The following DPH6 variants were observed in gnomAD, a reference collection of about 807,000 sequenced individuals.
The protein encoded by DPH6 is diphthamine biosynthesis 6.
Under a neutral mutation model 38.2 loss-of-function variants are expected in DPH6, and 33 were observed. The ratio of observed to expected loss-of-function variants is 0.86; its 90% confidence interval spans 0.65 to 1.15. The LOEUF is 1.15. Among genes scored for constraint, DPH6 ranks in the 50% most tolerant of loss-of-function variants. The probability of loss-of-function intolerance (pLI) is 0.00; values close to 1 mark genes in which losing one functional copy is unlikely to be tolerated. For synonymous variants in DPH6, 108 were observed against 103.0 expected (o/e 1.05, Z -0.30); for missense variants, 325 against 320.0 (o/e 1.02, Z -0.12).
the DPH6 span, among the ~76,000 whole-genome samples, chr15:35,191,357 A>G: frequency 3.9e-5 from 6 of 152,206 alleles, no homozygotes; most frequent in African/African-American, 1.2e-4. Context: ...AGAAGAATGA[A>G]GCATCATTCT....
intron 5 of DPH6, among the ~76,000 whole-genome samples, chr15:35,420,782 T>C (rs1203305985): frequency 1.3e-5 from 2 of 152,126 alleles, no homozygotes; most frequent in African/African-American, 4.8e-5. Context: ...CCCAAAGTGC[T>C]GGGATTACAG....
the DPH6 span, among the ~76,000 whole-genome samples, chr15:35,164,620 C>T: frequency 2.0e-5 from 3 of 151,654 alleles, no homozygotes; most frequent in African/African-American, 4.8e-5. Flanking sequence ...AATAATATAG[C>T]GTTTCTGTGG....
chr15:35,146,071 G>C, the DPH6 span, among the ~76,000 whole-genome samples: 9 of 1,000 alleles, frequency 9.0e-3, no homozygotes, highest in African/African-American at 0.01. Flanking sequence ...TATAGTTTCT[G>C]TGTGTGTGTG....
At chr15:35,347,392 T>C (rs1003475335) in intron 3 of DPH6, among the ~76,000 whole-genome samples, 8 of 151,912 alleles carry the variant, frequency 5.3e-5, no homozygotes, top group African/African-American at 1.9e-4. Flanking sequence ...GTTTAAGTGA[T>C]CCTCCTGCCT....
intron 3 of DPH6, among the ~76,000 whole-genome samples, chr15:35,352,326 A>T (rs1197778983): frequency 1.3e-5 from 2 of 151,522 alleles, no homozygotes; most frequent in East Asian, 3.9e-4. Context: ...CATGTGCACA[A>T]CGTGCAGGTT....
intron 3 of DPH6, among the ~76,000 whole-genome samples, chr15:35,264,005 G>A (rs958255491): frequency 3.3e-5 from 5 of 151,708 alleles, no homozygotes; most frequent in Non-Finnish European, 7.4e-5. Context: ...GAGCCACCGC[G>A]CCCAACATAG....
At chr15:35,173,106 C>T in the DPH6 span, among the ~76,000 whole-genome samples, 1 of 152,282 alleles carries the variant, frequency 6.6e-6, no homozygotes, top group East Asian at 1.9e-4. Flanking sequence ...TAGTCTGGGT[C>T]TAAATCTGTC....
At chr15:35,241,204 A>C (rs1393718787) in intron 3 of DPH6, among the ~76,000 whole-genome samples, 1 of 143,594 alleles carries the variant, frequency 7.0e-6, no homozygotes, top group Non-Finnish European at 1.5e-5. Context: ...AGGCTCTCTG[A>C]CTGACTCCTT....
intron 3 of DPH6, among the ~76,000 whole-genome samples, chr15:35,476,410 A>G (rs560193563): frequency 6.6e-6 from 1 of 151,872 alleles, no homozygotes; most frequent in African/African-American, 2.4e-5. Flanking sequence ...TAAATGAAAT[A>G]TGGTCTCACT....
intron 3 of DPH6, among the ~76,000 whole-genome samples, chr15:35,468,404 A>G (rs1448651732): frequency 2.0e-5 from 3 of 152,206 alleles, no homozygotes; most frequent in Admixed American, 2.0e-4. Flanking sequence ...AGACCGTCCC[A>G]GCCTCTGCCT....
At chr15:35,333,385 A>G (rs913982164) in intron 3 of DPH6, among the ~76,000 whole-genome samples, 5 of 152,208 alleles carry the variant, frequency 3.3e-5, no homozygotes, top group Non-Finnish European at 7.4e-5. Context: ...GAAAAATATC[A>G]TATAGCTATT....
intron 6 of DPH6, among the ~76,000 whole-genome samples, chr15:35,403,821 C>T (rs2053253884): frequency 6.6e-6 from 1 of 151,032 alleles, no homozygotes; most frequent in Admixed American, 6.6e-5. Flanking sequence ...TTCATTCATT[C>T]CTTTTTTTTT....
chr15:35,310,659 T>C (rs2052133480), intron 3 of DPH6, among the ~76,000 whole-genome samples: 2 of 152,178 alleles, frequency 1.3e-5, no homozygotes, highest in African/African-American at 4.8e-5. Context: ...TACTAGCTGA[T>C]AGAATAACCT....
At chr15:35,285,829 CTGATG>C (rs2051937067) in intron 3 of DPH6, among the ~76,000 whole-genome samples, 1 of 134,190 alleles carries the variant, frequency 7.5e-6, no homozygotes, top group Non-Finnish European at 1.5e-5. Context: ...CACATTCTTC[CTGATG>C]AGATTCTGGA....
rs76421226 is a variant in DPH6 at position 35,531,394 on chromosome 15, A to T, written c.312+6880T>A. On this transcript the variant is annotated intron_variant, in intron 3 of 8. Coordinates refer to ENST00000256538, the MANE Select transcript of DPH6 (RefSeq NM_080650.4). ...TCCATTTAAGCTTCTAAATAGGAAA[A>T]CAAAAGACAAAATGAATTTGCCAAT... is the stretch of plus-strand genomic sequence containing the variant. Among the ~76,000 whole-genome samples the T allele has an allele frequency of 3.1e-3, 470 of 152,338 alleles. 3 individuals are homozygous for T. In the East Asian group the frequency reaches 0.034, roughly 11 times the overall value.
chr15:35,520,916 C>G (rs989824129), intron 3 of DPH6: 1 of 985,054 alleles, frequency 1.0e-6, no homozygotes, highest in East Asian at 1.1e-4. Flanking sequence ...TTGTCACTCT[C>G]AAAATTCCAG....
At chr15:35,220,010 C>G (rs1421785049) in exon 4 of DPH6, 5 of 152,156 alleles carry the variant, frequency 3.3e-5, no homozygotes, top group African/African-American at 1.2e-4. Flanking sequence ...CCTTACTATG[C>G]TAAGCTTTCT....
intron 3 of DPH6, among the ~76,000 whole-genome samples, chr15:35,486,866 T>A (rs1404555818): frequency 6.6e-6 from 1 of 152,040 alleles, no homozygotes; most frequent in Non-Finnish European, 1.5e-5. Context: ...TAAAATAAAA[T>A]ACAAATTAGT....
intron 7 of DPH6, among the ~76,000 whole-genome samples, chr15:35,376,126 T>C (rs1408542196): frequency 6.6e-6 from 1 of 152,128 alleles, no homozygotes; most frequent in African/African-American, 2.4e-5. Context: ...CACTACATTA[T>C]AATTATGTGT....
Sources: allele counts gnomAD v4.1 joint callset (sites outside exome capture counted in the v4.1 genomes callset), GRCh38; gene constraint gnomAD v4.1.1; transcripts MANE v1.5; gene names NCBI Gene and HGNC (gene_info 2026-07-23, HGNC 2026-07-21).